CNTN1: variants seen among roughly 807,000 people sequenced by gnomAD.
CNTN1 encodes the protein contactin-1.
Under a neutral mutation model 126.4 loss-of-function variants are expected in CNTN1, and 38 were observed. The ratio of observed to expected loss-of-function variants is 0.30; its 90% CI spans 0.23 to 0.39. The LOEUF (loss-of-function observed/expected upper bound fraction) is 0.39, where lower values mean the gene tolerates loss of function less well. CNTN1 is among the 10% of genes least tolerant of loss of function. The probability of loss-of-function intolerance (pLI) is 1.00; values close to 1 mark genes in which losing one functional copy is unlikely to be tolerated. For synonymous variants in CNTN1, 413 were observed against 422.6 expected (o/e 0.98, Z 0.28); for missense variants, 1,009 against 1,248.4 (o/e 0.81, Z 2.89).
Position 40,936,913 on chromosome 12 carries a change from T to A in CNTN1, c.1110+8T>A, listed in dbSNP as rs1485952597. On this transcript the variant is annotated splice_region_variant and intron_variant, in intron 10 of 23. Transcript: ENST00000551295. ...TTGAAAAATGGATATGCGGTATGTATGTTCAAGTGCTTTGCTGTTCCTGAG... is the reference window on the plus strand; with the variant it reads ...TTGAAAAATGGATATGCGGTATGTAAGTTCAAGTGCTTTGCTGTTCCTGAG... 7.4e-6 allele frequency: 12 copies of A among 1,612,546 alleles called. No homozygotes were observed. Among genetic ancestry groups the A allele is most frequent in the African/African-American group, 1.3e-5 (1 of 74,856 alleles).
At chr12:41,017,928 C>A (rs1273209594) in intron 19 of CNTN1, among the ~76,000 whole-genome samples, 1 of 151,818 alleles carries the variant, frequency 6.6e-6, no homozygotes. Flanking sequence ...CCTGTCTCTA[C>A]TAAAACTACA....
chr12:40,747,432 A>G (rs1015578507), intron 1 of CNTN1, among the ~76,000 whole-genome samples: 1 of 151,848 alleles, frequency 6.6e-6, no homozygotes, highest in African/African-American at 2.4e-5. Flanking sequence ...AAGATGATAA[A>G]ATACAACATG....
intron 1 of CNTN1, among the ~76,000 whole-genome samples, chr12:40,778,430 A>G (rs529362152): frequency 3.0e-4 from 46 of 151,898 alleles, no homozygotes; most frequent in Admixed American, 5.3e-4. Flanking sequence ...TCTGGAAAGA[A>G]CAAAGTATTT....
Position 41,070,829 on chromosome 12 carries a change from A to T in CNTN1, c.*794A>T, listed in dbSNP as rs533191872. 1 of 152,158 alleles carries T rather than the reference A, an allele frequency of 6.6e-6. No individual in the cohort carries two copies. Among genetic ancestry groups the T allele is most frequent in the South Asian group, 2.1e-4 (1 of 4,822 alleles). 9.4% of individuals were successfully genotyped at this position (152,158 alleles called of 1,614,324 possible). A position where few individuals can be genotyped will look rare whatever the true frequency, so the allele number is the denominator to read the frequency against. On this transcript the variant is annotated 3_prime_UTR_variant, in exon 24 of 24. Coordinates refer to ENST00000551295, the MANE Select transcript of CNTN1 (RefSeq NM_001843.4). ...ATCTCAAAAATCACAGCTCTTATCTAGAGTATCATAATATTGCTATATTTG... is the reference window on the plus strand; with the variant it reads ...ATCTCAAAAATCACAGCTCTTATCTTGAGTATCATAATATTGCTATATTTG...
At chr12:40,973,982 T>C (rs894474159) in intron 15 of CNTN1, among the ~76,000 whole-genome samples, 1 of 152,160 alleles carries the variant, frequency 6.6e-6, no homozygotes, top group African/African-American at 2.4e-5. Context: ...ATTTGGAAAA[T>C]TTATATATTG....
chr12:40,829,963 G>A, intron 1 of CNTN1, among the ~76,000 whole-genome samples: 1 of 152,134 alleles, frequency 6.6e-6, no homozygotes, highest in Middle Eastern at 3.2e-3. Flanking sequence ...AGTGCTACTT[G>A]TTGGATCTGG....
intron 15 of CNTN1, among the ~76,000 whole-genome samples, chr12:40,978,537 T>C (rs1947741499): frequency 6.6e-6 from 1 of 152,168 alleles, no homozygotes; most frequent in Non-Finnish European, 1.5e-5. Flanking sequence ...AATAAATTTA[T>C]TTATCTATAC....
chr12:40,824,846 T>C (rs73118723), intron 1 of CNTN1, among the ~76,000 whole-genome samples: 3,419 of 152,298 alleles, frequency 0.022, 127 homozygotes, highest in African/African-American at 0.078. Flanking sequence ...CCAATGTTTC[T>C]TCTGCTGATA....
intron 1 of CNTN1, among the ~76,000 whole-genome samples, chr12:40,815,960 T>C (rs1264249602): frequency 6.6e-6 from 1 of 152,216 alleles, no homozygotes; most frequent in Non-Finnish European, 1.5e-5. Context: ...GTTTATTGAT[T>C]TGTGTATGTT....
chr12:41,000,887 G>A (rs1948344072), intron 17 of CNTN1, among the ~76,000 whole-genome samples: 1 of 152,194 alleles, frequency 6.6e-6, no homozygotes, highest in South Asian at 2.1e-4. Flanking sequence ...TGCAGTATTT[G>A]GTTTTCTGTT....
At chr12:41,056,886 A>C (rs1339235690) in intron 23 of CNTN1, among the ~76,000 whole-genome samples, 2 of 132,138 alleles carry the variant, frequency 1.5e-5, no homozygotes, top group African/African-American at 6.0e-5. Flanking sequence ...GATATTTATA[A>C]ATATTATATT....
intron 15 of CNTN1, among the ~76,000 whole-genome samples, chr12:40,960,927 A>C (rs1947087133): frequency 6.6e-6 from 1 of 152,102 alleles, no homozygotes. Flanking sequence ...GTGTGTGGAC[A>C]TAAATGTCTT....
intron 1 of CNTN1, among the ~76,000 whole-genome samples, chr12:40,746,385 G>T (rs1419065878): frequency 1.1e-4 from 16 of 152,086 alleles, no homozygotes; most frequent in Admixed American, 9.8e-4. Context: ...AATCTATAAG[G>T]GTCTGCAGCA....
At position 40,959,234 on chromosome 12, in the gene CNTN1, G is replaced by A. The variant is rs1033574271; in HGVS notation, c.1804G>A (p.Gly602Ser). The change falls in exon 15 of 24, where the codon GGC (glycine) becomes AGC (serine). Residue 602 changes from glycine to serine, a missense_variant and splice_region_variant. By Grantham distance (56) the Gly-to-Ser change is moderately conservative. Coordinates refer to ENST00000551295, the MANE Select transcript of CNTN1 (RefSeq NM_001843.4). ...AGCTTCAGCTGACCTTGTAGTGAGAGGTAAGAGTTTCAACATTTTAAAATT... is the reference window on the plus strand; with the variant it reads ...AGCTTCAGCTGACCTTGTAGTGAGAAGTAAGAGTTTCAACATTTTAAAATT... ...SSASADLVVR[G>S]PPGPPGGLRI... 7 of 1,612,232 alleles carry A rather than the reference G, an allele frequency of 4.3e-6. No individual in the cohort carries two copies. Among genetic ancestry groups the A allele is most frequent in the Non-Finnish European group, 5.1e-6 (6 of 1,178,824 alleles).
intron 15 of CNTN1, among the ~76,000 whole-genome samples, chr12:40,967,327 A>G (rs1025860002): frequency 2.0e-5 from 3 of 151,952 alleles, no homozygotes; most frequent in African/African-American, 7.3e-5. Flanking sequence ...CTAAAAATAA[A>G]AAAATTATTG....
intron 1 of CNTN1, among the ~76,000 whole-genome samples, chr12:40,705,518 G>T (rs1329796348): frequency 6.6e-6 from 1 of 151,808 alleles, no homozygotes; most frequent in African/African-American, 2.4e-5. Flanking sequence ...AGAATTCTGG[G>T]CAAAAGTAAC....
intron 1 of CNTN1, among the ~76,000 whole-genome samples, chr12:40,799,709 A>C (rs957942665): frequency 6.6e-6 from 1 of 152,044 alleles, no homozygotes; most frequent in Non-Finnish European, 1.5e-5. Context: ...AAGCATGGTG[A>C]CAGCTTGCAT....
At chr12:40,709,083 A>G (rs1039455803) in intron 1 of CNTN1, among the ~76,000 whole-genome samples, 3 of 152,228 alleles carry the variant, frequency 2.0e-5, no homozygotes, top group Non-Finnish European at 4.4e-5. Context: ...ATTAGTATCT[A>G]TGCAGCTAAA....
intron 1 of CNTN1, among the ~76,000 whole-genome samples, chr12:40,894,918 A>G (rs1168974408): frequency 6.6e-6 from 1 of 152,174 alleles, no homozygotes; most frequent in Non-Finnish European, 1.5e-5. Context: ...ATATTTGAGA[A>G]GTGTTCTAAC....
Sources: gnomAD v4.1 joint callset for allele counts (sites outside exome capture counted in the v4.1 genomes callset) on GRCh38, gnomAD v4.1.1 for gene constraint, MANE v1.5 for transcripts, NCBI Gene and HGNC (gene_info 2026-07-23, HGNC 2026-07-21) for gene names.